The following L2HGDH variants were observed in gnomAD, a reference collection of about 807,000 sequenced individuals.
The protein encoded by L2HGDH is L-2-hydroxyglutarate dehydrogenase, also known as L-2-hydroxyglutarate dehydrogenase, mitochondrial.
A neutral mutation model predicts 51.5 loss-of-function variants in L2HGDH; 34 were observed. The observed-to-expected ratio is 0.66, with a 90% CI of 0.50 to 0.88. The LOEUF is 0.88. L2HGDH is among the 40% of genes least tolerant of loss of function. The pLI is 0.00. For missense variants in L2HGDH, 558 were observed against 571.9 expected (o/e 0.98, Z 0.25); for synonymous variants, 198 against 197.9 (o/e 1.00, Z -0.01).
intron 9 of L2HGDH, among the ~76,000 whole-genome samples, chr14:50,260,469 T>A (rs372308078): frequency 2.6e-5 from 4 of 152,216 alleles, no homozygotes; most frequent in African/African-American, 7.2e-5. Flanking sequence ...GAGTCACACA[T>A]AAATTACAAA....
chr14:50,272,619 T>C (rs1306868568), intron 6 of L2HGDH, among the ~76,000 whole-genome samples: 1 of 152,198 alleles, frequency 6.6e-6, no homozygotes, highest in East Asian at 1.9e-4. Context: ...CACAGGTCAC[T>C]AAGTTTACCA....
At chr14:50,291,521 T>C (rs374056021) in intron 4 of L2HGDH, among the ~76,000 whole-genome samples, 16 of 152,288 alleles carry the variant, frequency 1.1e-4, no homozygotes, top group African/African-American at 3.1e-4. Context: ...AGGAAAGGAA[T>C]AGGTGGCTTG....
chr14:50,269,342 T>G lies in L2HGDH; in HGVS notation c.739-12A>C. On this transcript the variant is annotated splice_polypyrimidine_tract_variant and intron_variant, in intron 6 of 9. Coordinates refer to ENST00000267436, the MANE Select transcript of L2HGDH (RefSeq NM_024884.3). ...CGAATTTCCTCTCCCTAGTGCAAAATAAAAGAACAGTTATTTGTATAAAGT... is the reference window on the plus strand; with the variant it reads ...CGAATTTCCTCTCCCTAGTGCAAAAGAAAAGAACAGTTATTTGTATAAAGT... 1 of 1,612,644 alleles carries G rather than the reference T, an allele frequency of 6.2e-7. No individual in the cohort carries two copies. The highest frequency in any genetic ancestry group is 8.5e-7 in the Non-Finnish European group (1 of 1,179,116).
intron 1 of L2HGDH, among the ~76,000 whole-genome samples, chr14:50,311,015 C>T (rs764852669): frequency 7.6e-6 from 1 of 130,974 alleles, no homozygotes; most frequent in Non-Finnish European, 1.5e-5. Flanking sequence ...GCGATCTCAG[C>T]TTACTGCAAT....
intron 5 of L2HGDH, among the ~76,000 whole-genome samples, chr14:50,280,082 A>C (rs1035805049): frequency 2.7e-5 from 4 of 150,552 alleles, no homozygotes; most frequent in African/African-American, 9.8e-5. Flanking sequence ...AAAAAAAAAG[A>C]AATATACAAG....
chr14:50,266,632 A>G (rs1409336469), intron 8 of L2HGDH, among the ~76,000 whole-genome samples: 2 of 152,162 alleles, frequency 1.3e-5, no homozygotes, highest in Non-Finnish European at 2.9e-5. Context: ...CAAAAAACCA[A>G]AAAAACTTTA....
intron 9 of L2HGDH, among the ~76,000 whole-genome samples, chr14:50,260,685 T>C (rs997243095): frequency 6.6e-6 from 1 of 152,180 alleles, no homozygotes; most frequent in Non-Finnish European, 1.5e-5. Flanking sequence ...TATTTTGTAG[T>C]GTGAAGGTTA....
In L2HGDH at chr14:50,247,388, T is replaced by C. The variant is rs2139923455; in HGVS notation, c.1197-135A>G. On this transcript the variant is annotated intron_variant, in intron 9 of 9. Transcript: ENST00000267436. ...TATATGGAAACCCAATGAGTTTATG[T>C]TTAACCAAAGGCTGTCAGTTGTAGC... The C allele has an allele frequency of 2.8e-6, 4 of 1,405,090 alleles. No homozygotes were observed. In the South Asian group the frequency reaches 5.5e-5, roughly 19 times the overall value. 87.0% of individuals were successfully genotyped at this position (1,405,090 alleles called of 1,614,324 possible).
intron 1 of L2HGDH, among the ~76,000 whole-genome samples, chr14:50,305,265 G>A (rs1045225746): frequency 1.3e-5 from 2 of 152,158 alleles, no homozygotes; most frequent in African/African-American, 4.8e-5. Flanking sequence ...GCTTTAGATT[G>A]GATAAAATGG....
Position 50,282,235 on chromosome 14 carries a change from C to T in L2HGDH, c.703+1636G>A, listed in dbSNP as rs189843078. Among the ~76,000 whole-genome samples the T allele has an allele frequency of 2.6e-4, 39 of 152,156 alleles. 2 individuals carry two copies. Among genetic ancestry groups the T allele is most frequent in the African/African-American group, 9.4e-4 (39 of 41,514 alleles). The stretch of plus-strand genomic sequence containing the variant: ...TACTACAAAACATCCTACAGTGCAC[C>T]GGATAGCCCCCTACGACAAAGAACG... On this transcript the variant is annotated intron_variant, in intron 5 of 9. Transcript: ENST00000267436.
At chr14:50,310,257 G>A (rs1473724262) in intron 1 of L2HGDH, among the ~76,000 whole-genome samples, 11 of 149,862 alleles carry the variant, frequency 7.3e-5, no homozygotes, top group Admixed American at 7.3e-4. Context: ...ATTTTGTAGA[G>A]AAGGGATCTT....
chr14:50,276,628 C>T (rs117517905), intron 6 of L2HGDH, among the ~76,000 whole-genome samples: 17 of 152,220 alleles, frequency 1.1e-4, no homozygotes, highest in African/African-American at 3.4e-4. Context: ...CAAGATCATG[C>T]GCTCTCTTTT....
At chr14:50,298,688 C>A (rs2030225331) in intron 3 of L2HGDH, among the ~76,000 whole-genome samples, 1 of 151,740 alleles carries the variant, frequency 6.6e-6, no homozygotes, top group African/African-American at 2.4e-5. Context: ...GACTCTATCT[C>A]AAAAAAATAA....
chr14:50,309,613 A>G (rs1255396826), intron 1 of L2HGDH, among the ~76,000 whole-genome samples: 1 of 151,868 alleles, frequency 6.6e-6, no homozygotes, highest in African/African-American at 2.4e-5. Context: ...GGAAGAATGG[A>G]GAGGAAGGTG....
chr14:50,302,228 T>C (rs1204429089), intron 2 of L2HGDH, 60 bp from the exon 3 acceptor site: 3 of 1,561,224 alleles, frequency 1.9e-6, no homozygotes, highest in Admixed American at 1.7e-5. Flanking sequence ...ACATAAGAGG[T>C]AAGAGAACAA....
chr14:50,263,684 G>A (rs1374703492), intron 9 of L2HGDH, among the ~76,000 whole-genome samples: 3 of 151,694 alleles, frequency 2.0e-5, no homozygotes, highest in Non-Finnish European at 4.4e-5. Context: ...GAAAAAAGGT[G>A]AACACTAAAA....
chr14:50,272,393 A>C (rs951918354), intron 6 of L2HGDH, among the ~76,000 whole-genome samples: 1 of 152,186 alleles, frequency 6.6e-6, no homozygotes, highest in Non-Finnish European at 1.5e-5. Flanking sequence ...TCTTCTTTGA[A>C]TGGAAAGCCT....
intron 3 of L2HGDH, among the ~76,000 whole-genome samples, chr14:50,295,401 A>C (rs750811531): frequency 2.6e-5 from 4 of 151,724 alleles, no homozygotes; most frequent in Admixed American, 6.6e-5. Flanking sequence ...CTATTTTTAA[A>C]ATTTCTATTT....
chr14:50,264,789 T>C (rs1030704943), intron 9 of L2HGDH, among the ~76,000 whole-genome samples: 1 of 152,148 alleles, frequency 6.6e-6, no homozygotes, highest in African/African-American at 2.4e-5. Context: ...CTGGGCTTAA[T>C]ATGTGGGTGA....
Sources: allele counts gnomAD v4.1 joint callset (sites outside exome capture counted in the v4.1 genomes callset), GRCh38; gene constraint gnomAD v4.1.1; transcripts MANE v1.5; gene names NCBI Gene and HGNC (gene_info 2026-07-23, HGNC 2026-07-21).